The following COL5A1 variants were observed in gnomAD, a reference collection of about 807,000 sequenced individuals.
COL5A1 encodes collagen type V alpha 1 chain.
In COL5A1, 16 loss-of-function variants were observed where a neutral mutation model predicts 263.7. That is an observed-to-expected ratio of 0.06 (90% CI 0.04 to 0.09). The LOEUF (loss-of-function observed/expected upper bound fraction) is 0.09, where lower values mean the gene tolerates loss of function less well. Among genes scored for constraint, COL5A1 ranks in the 10% least tolerant of loss-of-function variants. The pLI is 1.00. For missense variants in COL5A1, 2,036 were observed against 2,540.5 expected (o/e 0.80, Z 4.27); for synonymous variants, 1,012 against 1,004.5 (o/e 1.01, Z -0.14).
intron 53 of COL5A1, 45 bp from the exon 54 acceptor site, chr9:134,817,733 C>T: frequency 6.3e-7 from 1 of 1,588,098 alleles, no homozygotes; most frequent in Non-Finnish European, 8.6e-7. Context: ...TCCCTCCACC[C>T]CTGCAGGCCA....
At position 134,686,087 on chromosome 9, in the gene COL5A1, C is replaced by G. The variant is rs1016882103; in HGVS notation, c.110-4825C>G. On this transcript the variant is annotated intron_variant, in intron 1 of 65. Transcript: ENST00000371817. The surrounding 1 kb of genome is among the most constrained non-coding windows in gnomAD (Gnocchi z 4.6). Reference sequence around the variant, plus strand: ...CCATTCATCCGTCCATCCTGCATGTCTGTGTTGAGCTCCTCCTATGTGCCA... The same window carrying G: ...CCATTCATCCGTCCATCCTGCATGTGTGTGTTGAGCTCCTCCTATGTGCCA... Among the ~76,000 whole-genome samples the G allele has an allele frequency of 9.9e-5, 15 of 152,260 alleles. No homozygotes were observed. Among genetic ancestry groups the G allele is most frequent in the African/African-American group, 3.6e-4 (15 of 41,468 alleles).
At chr9:134,668,497 C>A (rs1588420753) in intron 1 of COL5A1, among the ~76,000 whole-genome samples, 1 of 152,082 alleles carries the variant, frequency 6.6e-6, no homozygotes, top group African/African-American at 2.4e-5. Flanking sequence ...AAATTGGGTG[C>A]CTTAAATTTA....
chr9:134,723,020 G>A (rs1588471841), intron 4 of COL5A1, among the ~76,000 whole-genome samples: 3 of 152,316 alleles, frequency 2.0e-5, no homozygotes, highest in Admixed American at 1.3e-4. Context: ...AGGGGCAGGG[G>A]GCAGCAGCAG....
intron 28 of COL5A1, among the ~76,000 whole-genome samples, chr9:134,781,753 A>G (rs1837265165): frequency 6.6e-6 from 1 of 152,176 alleles, no homozygotes; most frequent in Non-Finnish European, 1.5e-5. Flanking sequence ...CTCAGCTTCC[A>G]GCACTATGTG....
chr9:134,665,327 C>T (rs968795687), intron 1 of COL5A1, among the ~76,000 whole-genome samples: 2 of 152,184 alleles, frequency 1.3e-5, no homozygotes, highest in African/African-American at 4.8e-5. Flanking sequence ...AGGGCGAGAG[C>T]CGTTTAGGTG....
At chr9:134,720,176 G>A (rs1358241793) in intron 4 of COL5A1, among the ~76,000 whole-genome samples, 1 of 152,322 alleles carries the variant, frequency 6.6e-6, no homozygotes, top group Admixed American at 6.5e-5. Flanking sequence ...GTTGGGTCCT[G>A]GAAGGCTGCA....
chr9:134,654,830 G>A (rs967080960), intron 1 of COL5A1, among the ~76,000 whole-genome samples: 2 of 138,312 alleles, frequency 1.4e-5, no homozygotes, highest in South Asian at 2.5e-4. Flanking sequence ...TGTAGTGCTG[G>A]TGGTGTGTGG....
intron 65 of COL5A1, among the ~76,000 whole-genome samples, chr9:134,840,894 C>T (rs1224431199): frequency 6.6e-6 from 1 of 152,240 alleles, no homozygotes; most frequent in Non-Finnish European, 1.5e-5. Flanking sequence ...CTAATACCAT[C>T]TTTGGGAACG....
At chr9:134,712,736 C>T (rs925214135) in intron 4 of COL5A1, among the ~76,000 whole-genome samples, 2 of 150,300 alleles carry the variant, frequency 1.3e-5, no homozygotes, top group African/African-American at 4.9e-5. Context: ...CCCATCTTTC[C>T]TGCCCCTTTC....
chr9:134,797,229 A>C (rs1009311913), intron 36 of COL5A1, among the ~76,000 whole-genome samples: 1 of 152,222 alleles, frequency 6.6e-6, no homozygotes, highest in Admixed American at 6.5e-5. Context: ...GCCATCACAA[A>C]TGACCAGGAA....
At chr9:134,714,795 T>TGTG (rs373482182) in intron 4 of COL5A1, among the ~76,000 whole-genome samples, 43 of 10,874 alleles carry the variant, frequency 4.0e-3, no homozygotes, top group African/African-American at 6.2e-3. Context: ...TGGAGGTGAT[T>TGTG]GTGGTGGTGG....
rs373846823 is a variant in COL5A1 at position 134,731,594 on chromosome 9, C to T, written c.1263C>T (p.Tyr421=). 4.3e-5 allele frequency: 69 copies of T among 1,614,086 alleles called. No individual in the cohort carries two copies. The highest frequency in any genetic ancestry group is 3.3e-4 in the Middle Eastern group (2 of 6,084). The change falls in exon 8 of 66, where the codon TAC becomes TAT. Residue 421 remains tyrosine (Y), a synonymous_variant. Transcript: ENST00000371817. ...NLDENYYDPY[Y]DPTSSPSEIG... is the part of the protein sequence containing the mutation. ...ACGAGAACTACTACGACCCCTACTA[C>T]GACCCCACCAGCTCCCCGTCGGAGA...
rs574911535 is a variant in COL5A1, at chr9:134,761,004, C to T, written c.1936-921C>T. ...ACCCCGATACACACATACACGTGCACACCAGCCACACACGCATACACACGT... is the reference window on the plus strand; with the variant it reads ...ACCCCGATACACACATACACGTGCATACCAGCCACACACGCATACACACGT... On this transcript the variant is annotated intron_variant, in intron 18 of 65. Coordinates refer to ENST00000371817, the MANE Select transcript of COL5A1 (RefSeq NM_000093.5). 1.9e-3 allele frequency among the ~76,000 whole-genome samples: 286 copies of T among 149,960 alleles called. 3 individuals are homozygous for T. The highest frequency in any genetic ancestry group is 6.7e-3 in the African/African-American group (272 of 40,688).
Position 134,690,879 on chromosome 9 carries a change from G to A in COL5A1, c.110-33G>A, listed in dbSNP as rs187371180. On this transcript the variant is annotated intron_variant, in intron 1 of 65. Coordinates refer to ENST00000371817, the MANE Select transcript of COL5A1 (RefSeq NM_000093.5). ...GTTCCCAGGTGCTCCTTTCCTCTCC[G>A]TGGCTAACTCTGCTCCTCCTCTGTC... The A allele has an allele frequency of 3.0e-5, 48 of 1,612,922 alleles. No individual in the cohort carries two copies. The Admixed American group carries it at 5.3e-4, about 18-fold the overall frequency.
intron 2 of COL5A1, among the ~76,000 whole-genome samples, chr9:134,693,170 C>T (rs557369123): frequency 1.3e-5 from 2 of 152,270 alleles, no homozygotes; most frequent in African/African-American, 4.8e-5. Flanking sequence ...CATCCCTGAG[C>T]AGGGCTCTTA....
At chr9:134,738,724 C>T (rs773527365) in intron 10 of COL5A1, 22 bp from the exon 11 acceptor site, 1 of 1,607,164 alleles carries the variant, frequency 6.2e-7, no homozygotes, top group Admixed American at 1.7e-5. Context: ...TCTAACTGCC[C>T]CAACTTTATT....
At chr9:134,703,063 C>T (rs1190459629) in intron 4 of COL5A1, among the ~76,000 whole-genome samples, 1 of 152,366 alleles carries the variant, frequency 6.6e-6, no homozygotes, top group South Asian at 2.1e-4. Context: ...AGCAGCCACG[C>T]TCTGTGGAAT....
At position 134,652,688 on chromosome 9, in the gene COL5A1, G is replaced by T. The variant is rs902136889; in HGVS notation, c.109+10392G>T. On this transcript the variant is annotated intron_variant, in intron 1 of 65. Coordinates refer to ENST00000371817, the MANE Select transcript of COL5A1 (RefSeq NM_000093.5). This position sits in a 1 kb window ranked among gnomAD's most constrained non-coding sequence, Gnocchi z 4.4. ...GAATCGTGGGATAGAGGAAGCAAAGGTGAGATTCCGTGGCCTCACCCCATG... is the reference window on the plus strand; with the variant it reads ...GAATCGTGGGATAGAGGAAGCAAAGTTGAGATTCCGTGGCCTCACCCCATG... 2.8e-5 allele frequency: 13 copies of T among 470,788 alleles called. No individual in the cohort carries two copies. Among genetic ancestry groups the T allele is most frequent in the Middle Eastern group, 3.2e-4 (1 of 3,094 alleles). 29.2% of individuals were successfully genotyped at this position (470,788 alleles called of 1,614,324 possible).
chr9:134,819,817 G>A (rs1053525835), intron 57 of COL5A1, among the ~76,000 whole-genome samples: 4 of 152,330 alleles, frequency 2.6e-5, no homozygotes, highest in South Asian at 2.1e-4. Context: ...GAGCGTATAC[G>A]AAGAGAAAGA....
Sources: gnomAD v4.1 joint callset for allele counts (sites outside exome capture counted in the v4.1 genomes callset) on GRCh38, gnomAD v4.1.1 for gene constraint, Gnocchi (gnomAD v3.1) non-coding constraint, MANE v1.5 for transcripts, NCBI Gene and HGNC (gene_info 2026-07-23, HGNC 2026-07-21) for gene names.